Variants in GGT7 observed in about 807,000 individuals in gnomAD.
GGT7 encodes gamma-glutamyltransferase 7.
Under a neutral mutation model 69.2 loss-of-function variants are expected in GGT7, and 30 were observed. The ratio of observed to expected loss-of-function variants is 0.43; its 90% confidence interval spans 0.32 to 0.59. The LOEUF is 0.59. Ranked by LOEUF, GGT7 falls within the 20% of genes least tolerant of loss-of-function variation. The pLI is 0.05. For synonymous variants in GGT7, 388 were observed against 391.8 expected, an observed-to-expected ratio of 0.99 and a Z score of 0.12; for missense variants, 733 against 901.1, an observed-to-expected ratio of 0.81 and a Z score of 2.39.
chr20:34,863,344 A>AAC lies in GGT7; in HGVS notation c.373_374insGT (p.Leu125ArgfsTer20). 6.2e-7 allele frequency: 1 copy of AAC among 1,612,926 alleles called. No homozygotes were observed. Among genetic ancestry groups the AAC allele is most frequent in the South Asian group, 1.1e-5 (1 of 91,024 alleles). ...GTCCCCGAAGTAGATCTGCATGACC[A>AAC]GCGCCACGGTGACACCGGTAGCGAA... On this transcript the variant is annotated frameshift_variant, in exon 2 of 15. Coordinates refer to ENST00000336431, the MANE Select transcript of GGT7 (RefSeq NM_178026.3). LOFTEE classifies it high-confidence loss of function. This position sits in a 1 kb window ranked among gnomAD's most constrained non-coding sequence, Gnocchi z 4.4.
intron 7 of GGT7, 39 bp downstream of exon 7, chr20:34,859,404 C>T (rs1187042772): frequency 1.3e-6 from 2 of 1,501,998 alleles, no homozygotes; most frequent in South Asian, 1.3e-5. Context: ...CAATAGGGAC[C>T]TTGGGGCATG....
chr20:34,860,436 G>A, intron 4 of GGT7, 115 bp from the exon 5 acceptor site: 1 of 784,886 alleles, frequency 1.3e-6, no homozygotes, highest in South Asian at 1.4e-5. Context: ...GAGAGACACA[G>A]GCCAAGTATC....
At chr20:34,859,866 C>A in intron 6 of GGT7, 103 bp downstream of exon 6, 1 of 920,998 alleles carries the variant, frequency 1.1e-6, no homozygotes, top group South Asian at 1.5e-5. Context: ...GTCTGAGGAG[C>A]AAACTGGAAG....
rs144770823 is a variant in GGT7 at position 34,863,161 on chromosome 20, C to T, written c.405+152G>A. 2.6e-6 allele frequency: 2 copies of T among 768,134 alleles called. No homozygotes were observed. Among genetic ancestry groups the T allele is most frequent in the East Asian group, 2.7e-5 (1 of 37,124 alleles). 47.6% of individuals were successfully genotyped at this position (768,134 alleles called of 1,614,324 possible). On this transcript the variant is annotated intron_variant, in intron 2 of 14. Transcript: ENST00000336431. This position sits in a 1 kb window ranked among gnomAD's most constrained non-coding sequence, Gnocchi z 4.4. ...TTCCTTGTTCTGTCTCCCTCATGCC[C>T]TGGAGCTCCTCTCTTTGGGACCTTC...
chr20:34,855,436 T>C (rs1231300917), intron 8 of GGT7, among the ~76,000 whole-genome samples: 1 of 152,252 alleles, frequency 6.6e-6, no homozygotes, highest in Non-Finnish European at 1.5e-5. Flanking sequence ...TTAACTCATT[T>C]AGTCCTCACT....
chr20:34,871,584 G>A (rs1421645799), intron 1 of GGT7, among the ~76,000 whole-genome samples: 2 of 152,206 alleles, frequency 1.3e-5, no homozygotes, highest in East Asian at 3.8e-4. Flanking sequence ...GGTTGGCAAG[G>A]GCTGCTGGTC....
Position 34,845,235 on chromosome 20 carries a change from C to T in GGT7, c.*93G>A. ...CCCTCTGGCCCCTGATCTGGGGCAT[C>T]CCTGGGGTCCCCCTGAGACCAAACC... On this transcript the variant is annotated 3_prime_UTR_variant, in exon 15 of 15. Transcript: ENST00000336431. 1 of 1,208,984 alleles carries T rather than the reference C, an allele frequency of 8.3e-7. No individual in the cohort carries two copies. The highest frequency in any genetic ancestry group is 1.1e-6 in the Non-Finnish European group (1 of 877,364). 74.9% of individuals were successfully genotyped at this position (1,208,984 alleles called of 1,614,324 possible). A position where few individuals can be genotyped will look rare whatever the true frequency, so the allele number is the denominator to read the frequency against.
At chr20:34,862,209 C>T (rs112881004) in intron 3 of GGT7, among the ~76,000 whole-genome samples, 16 of 152,200 alleles carry the variant, frequency 1.1e-4, no homozygotes, top group African/African-American at 3.1e-4. Flanking sequence ...TTCTATTCCA[C>T]GCCAGGTAAC....
chr20:34,851,082 A>T, intron 13 of GGT7, 149 bp downstream of exon 13: 1 of 935,428 alleles, frequency 1.1e-6, no homozygotes, highest in Non-Finnish European at 1.7e-6. Flanking sequence ...CCATGTCCAC[A>T]TTGCCCAGGA....
chr20:34,848,994 C>G (rs556717307), intron 14 of GGT7, among the ~76,000 whole-genome samples: 2 of 152,078 alleles, frequency 1.3e-5, no homozygotes, highest in Non-Finnish European at 2.9e-5. Context: ...CTAAGGTCCA[C>G]GATCCGGCGC....
chr20:34,865,545 C>T (rs542230953), intron 1 of GGT7, among the ~76,000 whole-genome samples: 2 of 152,254 alleles, frequency 1.3e-5, no homozygotes, highest in South Asian at 2.1e-4. Flanking sequence ...AACTGGAGGA[C>T]GATAAGAGTG....
chr20:34,845,708 A>C (rs958546885), intron 14 of GGT7, among the ~76,000 whole-genome samples: 5 of 152,160 alleles, frequency 3.3e-5, no homozygotes, highest in African/African-American at 1.2e-4. Flanking sequence ...TAATGCACAC[A>C]CAGCACTGAA....
In GGT7 at chr20:34,863,433, G is replaced by A. The variant is rs2079633583; in HGVS notation, c.285C>T (p.Ala95=). Residue 95 remains alanine (A), a synonymous_variant, in exon 2 of 15, where the codon GCC becomes GCT. Coordinates refer to ENST00000336431, the MANE Select transcript of GGT7 (RefSeq NM_178026.3). This position sits in a 1 kb window ranked among gnomAD's most constrained non-coding sequence, Gnocchi z 4.4. ...LRETRKDPFS[A]AAAECSCRQD... ...GGCGGCAGGAGCACTCGGCCGCTGCGGCGGAGAACGGGTCTTTGCGCGTCT... is the reference window on the plus strand; with the variant it reads ...GGCGGCAGGAGCACTCGGCCGCTGCAGCGGAGAACGGGTCTTTGCGCGTCT... The A allele has an allele frequency of 2.5e-6, 4 of 1,613,428 alleles. No individual in the cohort carries two copies. The highest frequency in any genetic ancestry group is 3.4e-6 in the Non-Finnish European group (4 of 1,179,894).
rs2079281140 is a variant in GGT7, at chr20:34,845,152, C to T, written c.*176G>A. The T allele has an allele frequency of 5.5e-6, 3 of 548,650 alleles. No individual in the cohort carries two copies. In the African/African-American group the frequency reaches 5.9e-5, roughly 11 times the overall value. 34.0% of individuals were successfully genotyped at this position (548,650 alleles called of 1,614,324 possible). ...CCACCACCACCACCACCACCACCAC[C>T]ACAGGCCTCCTGATGGAGAATTTTC... On this transcript the variant is annotated 3_prime_UTR_variant, in exon 15 of 15. Transcript: ENST00000336431.
chr20:34,854,676 C>T, intron 9 of GGT7, 57 bp from the exon 10 acceptor site: 1 of 1,567,124 alleles, frequency 6.4e-7, no homozygotes, highest in Non-Finnish European at 8.8e-7. Context: ...GAACCCACAC[C>T]CAGTGGACTT....
At chr20:34,853,353 G>A (rs2079431428) in intron 10 of GGT7, among the ~76,000 whole-genome samples, 1 of 52,758 alleles carries the variant, frequency 1.9e-5, no homozygotes, top group African/African-American at 1.2e-4. Context: ...GTGTGTGTGT[G>A]TGTGTGTGTG....
At chr20:34,860,512 T>C (rs1338413761) in intron 4 of GGT7, among the ~76,000 whole-genome samples, 191 bp from the exon 5 acceptor site, 2 of 152,078 alleles carry the variant, frequency 1.3e-5, no homozygotes, top group Non-Finnish European at 2.9e-5. Context: ...TATCAGCAAA[T>C]GCAGAAAGGC....
chr20:34,863,721 C>G lies in GGT7; in HGVS notation c.170-173G>C, dbSNP rs1601242456. The G allele has an allele frequency of 4.2e-6, 3 of 718,322 alleles. No individual in the cohort carries two copies. Among genetic ancestry groups the G allele is most frequent in the African/African-American group, 3.5e-5 (2 of 57,266 alleles). The allele number at this position is 718,322 out of a possible 1,614,324, so 44.5% of individuals were successfully genotyped here. A position where few individuals can be genotyped will look rare whatever the true frequency, so the allele number is the denominator to read the frequency against. ...GTGCACCCCAGGACAGGCGGGGCAACGGTGCCCGGCTAGGAAGAGACAGGG... is the reference window on the plus strand; with the variant it reads ...GTGCACCCCAGGACAGGCGGGGCAAGGGTGCCCGGCTAGGAAGAGACAGGG... On this transcript the variant is annotated intron_variant, in intron 1 of 14. Transcript: ENST00000336431. The surrounding 1 kb of genome is among the most constrained non-coding windows in gnomAD (Gnocchi z 4.4).
Position 34,854,548 on chromosome 20 carries a change from GCT to G in GGT7, c.1300_1301del (p.Ser434HisfsTer3). On this transcript the variant is annotated frameshift_variant, in exon 10 of 15. Coordinates refer to ENST00000336431, the MANE Select transcript of GGT7 (RefSeq NM_178026.3). LOFTEE classifies it high-confidence loss of function. ...AGACCCACCTGAGCATGTCATCCAT[GCT>G]CTCAGTGATGGTAGAATCATAGACG... ...DPVYDSTITESMDDMLSKVEA... is the reference protein window; with the variant it reads ...DPVYDSTITEXMDDMLSKVEA... The G allele has an allele frequency of 6.2e-7, 1 of 1,609,744 alleles. No homozygotes were observed.
Sources: gnomAD v4.1 joint callset for allele counts (sites outside exome capture counted in the v4.1 genomes callset) on GRCh38, gnomAD v4.1.1 for gene constraint, Gnocchi (gnomAD v3.1) non-coding constraint, MANE v1.5 for transcripts, NCBI Gene and HGNC (gene_info 2026-07-23, HGNC 2026-07-21) for gene names.